The following ILRUN variants were observed in gnomAD, a reference collection of about 807,000 sequenced individuals.
ILRUN encodes protein ILRUN.
A neutral mutation model predicts 33.8 loss-of-function variants in ILRUN; 3 were observed. That is an observed-to-expected ratio of 0.09 (90% confidence interval 0.04 to 0.23). The LOEUF (loss-of-function observed/expected upper bound fraction) is 0.23, where lower values mean the gene tolerates loss of function less well. Ranked by LOEUF, ILRUN falls within the 10% of genes least tolerant of loss-of-function variation. ILRUN has a pLI of 1.00. For synonymous variants in ILRUN, 124 were observed against 138.9 expected, an observed-to-expected ratio of 0.89 and a Z score of 0.75; for missense variants, 210 against 375.1, an observed-to-expected ratio of 0.56 and a Z score of 3.64.
chr6:34,637,864 C>CTGCTGCTGCTGCTGCTGCTGTTGT (rs749114775), intron 3 of ILRUN, among the ~76,000 whole-genome samples: 1 of 141,930 alleles, frequency 7.0e-6, no homozygotes, highest in Non-Finnish European at 1.5e-5. Context: ...GCTGCTGCTG[C>CTGCTGCTGCTGCTGCTGCTGTTGT]TGTTGTTGTT....
intron 1 of ILRUN, among the ~76,000 whole-genome samples, chr6:34,677,317 AAG>A (rs992552900): frequency 6.6e-6 from 1 of 152,038 alleles, no homozygotes; most frequent in Admixed American, 6.6e-5. Flanking sequence ...AAAGGAAAAA[AAG>A]AGAGAGAGAG....
At chr6:34,614,433 A>ATATATATATAT (rs57947473) in intron 3 of ILRUN, among the ~76,000 whole-genome samples, 1 of 104,484 alleles carries the variant, frequency 9.6e-6, no homozygotes, top group Non-Finnish European at 1.9e-5. Flanking sequence ...AAAAATAATA[A>ATATATATATAT]AAAAAAAAAA....
At chr6:34,664,771 T>C (rs1762960112) in intron 1 of ILRUN, among the ~76,000 whole-genome samples, 1 of 152,202 alleles carries the variant, frequency 6.6e-6, no homozygotes. Flanking sequence ...ACAAAATGTC[T>C]ATGGTTTATC....
At chr6:34,632,174 C>T (rs1762261888) in intron 3 of ILRUN, among the ~76,000 whole-genome samples, 1 of 152,182 alleles carries the variant, frequency 6.6e-6, no homozygotes, top group Non-Finnish European at 1.5e-5. Flanking sequence ...GGCGTGGTGG[C>T]TCACACCTGT....
At chr6:34,636,499 CTGGTGTCAAACCATCGT>C (rs1200470253) in intron 3 of ILRUN, among the ~76,000 whole-genome samples, 7 of 152,028 alleles carry the variant, frequency 4.6e-5, no homozygotes, top group Non-Finnish European at 4.4e-5. Context: ...CATTATAAGG[CTGGTGTCAAACCATCGT>C]TACAGGAACA....
In ILRUN at chr6:34,646,608, G is replaced by A; in HGVS notation, c.504C>T (p.Tyr168=). 1.2e-6 allele frequency: 2 copies of A among 1,613,972 alleles called. No individual in the cohort carries two copies. Among genetic ancestry groups the A allele is most frequent in the Non-Finnish European group, 1.7e-6 (2 of 1,179,988 alleles). Residue 168 remains tyrosine, a synonymous_variant, in exon 3 of 5, where the codon TAC becomes TAT. Transcript: ENST00000374023. This position sits in a 1 kb window ranked among gnomAD's most constrained non-coding sequence, Gnocchi z 4.9. ...QWRMCTATGL[Y]YGDVIWVILS... ...GCACAAGGACATACTCACCTCCATA[G>A]TAGAGTCCTGTAGCAGTGCACATCC... is the stretch of plus-strand genomic sequence containing the variant.
intron 1 of ILRUN, among the ~76,000 whole-genome samples, chr6:34,691,682 G>A (rs1763653032): frequency 6.6e-6 from 1 of 152,082 alleles, no homozygotes. Flanking sequence ...CACAGTCCCA[G>A]CTACTCGGGA....
intron 1 of ILRUN, among the ~76,000 whole-genome samples, chr6:34,662,305 C>CAAAA (rs528133769): frequency 1.3e-5 from 1 of 75,184 alleles, no homozygotes. Context: ...GACTCCGTCT[C>CAAAA]AAAAAAAAAA....
intron 3 of ILRUN, among the ~76,000 whole-genome samples, chr6:34,641,557 G>A (rs146118617): frequency 5.2e-4 from 79 of 152,244 alleles, no homozygotes; most frequent in African/African-American, 1.8e-3. Flanking sequence ...AGAATTCAAC[G>A]AAACATTTCA....
intron 4 of ILRUN, among the ~76,000 whole-genome samples, chr6:34,597,985 A>C (rs1761437079): frequency 6.6e-6 from 1 of 152,206 alleles, no homozygotes; most frequent in Non-Finnish European, 1.5e-5. Flanking sequence ...AATTCCTATT[A>C]TCACTTAAAA....
intron 3 of ILRUN, among the ~76,000 whole-genome samples, chr6:34,638,576 A>G (rs1474182595): frequency 6.6e-6 from 1 of 151,780 alleles, no homozygotes; most frequent in Non-Finnish European, 1.5e-5. Flanking sequence ...ACAAAAACCC[A>G]TGCCTGTGGT....
intron 3 of ILRUN, chr6:34,616,630 G>A (rs755626034): frequency 4.2e-5 from 66 of 1,559,228 alleles, no homozygotes; most frequent in Non-Finnish European, 5.7e-5. Flanking sequence ...TCAATCGCCT[G>A]AGAAAGAAGT....
intron 3 of ILRUN, among the ~76,000 whole-genome samples, chr6:34,636,412 T>C (rs1268147321): frequency 1.3e-5 from 2 of 151,918 alleles, no homozygotes; most frequent in African/African-American, 4.8e-5. Context: ...AGAAAGATTT[T>C]TTTTCAAAAT....
intron 3 of ILRUN, among the ~76,000 whole-genome samples, chr6:34,611,941 T>C (rs1318476798): frequency 6.6e-6 from 1 of 152,158 alleles, no homozygotes; most frequent in Non-Finnish European, 1.5e-5. Context: ...AGCCATAGTA[T>C]CTTTACCCAC....
chr6:34,672,759 T>A (rs181249601), intron 1 of ILRUN, among the ~76,000 whole-genome samples: 1 of 150,880 alleles, frequency 6.6e-6, no homozygotes, highest in East Asian at 2.0e-4. Flanking sequence ...AAGTCCAATA[T>A]CTGAAAAACA....
intron 1 of ILRUN, chr6:34,686,488 A>C (rs1365801152): frequency 6.6e-6 from 1 of 151,242 alleles, no homozygotes; most frequent in Non-Finnish European, 1.5e-5. Context: ...CAACAGAGTG[A>C]GAGTCCGTCT....
chr6:34,634,838 T>C lies in ILRUN; in HGVS notation c.511+11763A>G, dbSNP rs139977389. On this transcript the variant is annotated intron_variant, in intron 3 of 4. Coordinates refer to ENST00000374023, the MANE Select transcript of ILRUN (RefSeq NM_024294.4). The stretch of plus-strand genomic sequence containing the variant: ...TTGAATGGTTTTGCTGGAAATTCTT[T>C]AGTAGAAGAATAACACCAATTCTAT... 2.3e-3 allele frequency among the ~76,000 whole-genome samples: 352 copies of C among 152,180 alleles called. 1 individual carries two copies. The highest frequency in any genetic ancestry group is 4.1e-3 in the Non-Finnish European group (276 of 68,012).
At chr6:34,678,836 C>CAAAAAAAAAAAAA (rs767799882) in intron 1 of ILRUN, among the ~76,000 whole-genome samples, 6 of 47,870 alleles carry the variant, frequency 1.3e-4, no homozygotes, top group African/African-American at 1.7e-4. Context: ...GACTCCGTCT[C>CAAAAAAAAAAAAA]AAAAAAAAAA....
At chr6:34,593,047 C>T (rs1032442124) in intron 4 of ILRUN, among the ~76,000 whole-genome samples, 1 of 151,844 alleles carries the variant, frequency 6.6e-6, no homozygotes, top group African/African-American at 2.4e-5. Context: ...GACATGGCGA[C>T]GCATGGCTGT....
Sources: gnomAD v4.1 joint callset for allele counts (sites outside exome capture counted in the v4.1 genomes callset) on GRCh38, gnomAD v4.1.1 for gene constraint, Gnocchi (gnomAD v3.1) non-coding constraint, MANE v1.5 for transcripts, NCBI Gene and HGNC (gene_info 2026-07-23, HGNC 2026-07-21) for gene names.